XPNPEP1: variants seen among roughly 807,000 people sequenced by gnomAD.
XPNPEP1 encodes the protein xaa-Pro aminopeptidase 1.
XPNPEP1 carries 39 observed loss-of-function variants against 92.4 expected under a neutral mutation model. That is an observed-to-expected ratio of 0.42 (90% CI 0.33 to 0.55). The LOEUF is 0.55. Among genes scored for constraint, XPNPEP1 ranks in the 20% least tolerant of loss-of-function variants. The probability of loss-of-function intolerance (pLI) is 0.08; values close to 1 mark genes in which losing one functional copy is unlikely to be tolerated. For synonymous variants in XPNPEP1, 307 were observed against 299.4 expected (o/e 1.03, Z -0.26); for missense variants, 654 against 856.1 (o/e 0.76, Z 2.95).
At chr10:109,912,126 C>T (rs1482152380) in intron 2 of XPNPEP1, among the ~76,000 whole-genome samples, 1 of 152,156 alleles carries the variant, frequency 6.6e-6, no homozygotes, top group Non-Finnish European at 1.5e-5. Context: ...TGGTGACTGG[C>T]ATATCAGACC....
Position 109,923,435 on chromosome 10 carries a change from C to A in XPNPEP1, c.-2G>T. The A allele has an allele frequency of 6.3e-6, 9 of 1,439,124 alleles. No individual in the cohort carries two copies. The highest frequency in any genetic ancestry group is 7.3e-6 in the Non-Finnish European group (8 of 1,095,528). 89.1% of individuals were successfully genotyped at this position (1,439,124 alleles called of 1,614,324 possible). On this transcript the variant is annotated 5_prime_UTR_variant, in exon 1 of 21. Coordinates refer to ENST00000502935, the MANE Select transcript of XPNPEP1 (RefSeq NM_020383.4). ...CGGTGGCTTTCTGGAGGCTGCCATT[C>A]GGCGGTGACGTGCCCCAGCCCACGT...
chr10:109,885,305 G>C (rs1337966968), intron 8 of XPNPEP1, among the ~76,000 whole-genome samples: 2 of 152,034 alleles, frequency 1.3e-5, no homozygotes, highest in African/African-American at 4.8e-5. Context: ...CTGATACAGT[G>C]AAAAAATCAG....
At chr10:109,911,544 C>T (rs1431755501) in intron 2 of XPNPEP1, among the ~76,000 whole-genome samples, 1 of 152,206 alleles carries the variant, frequency 6.6e-6, no homozygotes, top group East Asian at 1.9e-4. Context: ...ATTGTGATCT[C>T]CCAAGCTTGC....
intron 17 of XPNPEP1, 120 bp downstream of exon 17, chr10:109,871,672 G>T: frequency 8.7e-7 from 1 of 1,144,606 alleles, no homozygotes; most frequent in Non-Finnish European, 1.3e-6. Flanking sequence ...ACCTGGCTGG[G>T]CCTGAAGTGG....
At position 109,868,658 on chromosome 10, in the gene XPNPEP1, T is replaced by C. The variant is rs1459384127; in HGVS notation, c.1828A>G (p.Ile610Val). 6.8e-6 allele frequency: 11 copies of C among 1,614,068 alleles called. No individual in the cohort carries two copies. The highest frequency in any genetic ancestry group is 3.3e-5 in the South Asian group (3 of 91,060). The change falls in exon 20 of 21, where the codon ATT becomes GTT. Residue 610 changes from isoleucine (I) to valine (V), a missense_variant. By Grantham distance (29) the Ile-to-Val change is conservative. Transcript: ENST00000502935. ...LTFEPLTLVPIQTKMIDVDSL... is the reference protein window; with the variant it reads ...LTFEPLTLVPVQTKMIDVDSL... ...TCCACATCTATCATTTTGGTCTGAA[T>C]TGGAACCAATGTTAGAGGTTCAAAG... is the stretch of plus-strand genomic sequence containing the variant.
intron 3 of XPNPEP1, among the ~76,000 whole-genome samples, chr10:109,896,892 T>C (rs551253219): frequency 5.3e-5 from 8 of 152,282 alleles, no homozygotes; most frequent in Admixed American, 2.0e-4. Flanking sequence ...AGAAGTAACA[T>C]AGCCCTGCTG....
At chr10:109,881,563 G>A (rs577124502) in intron 10 of XPNPEP1, among the ~76,000 whole-genome samples, 48 of 152,236 alleles carry the variant, frequency 3.2e-4, no homozygotes, top group Non-Finnish European at 6.0e-4. Flanking sequence ...AGAGAGGAGA[G>A]AGAGAGAGGA....
At chr10:109,901,762 G>A (rs969270189) in intron 3 of XPNPEP1, among the ~76,000 whole-genome samples, 4 of 152,224 alleles carry the variant, frequency 2.6e-5, no homozygotes, top group African/African-American at 7.2e-5. Context: ...ACTTGGGTAC[G>A]TGAGTCCACC....
In XPNPEP1 at chr10:109,865,071, G is replaced by A; in HGVS notation, c.*113C>T. The A allele has an allele frequency of 1.4e-6, 2 of 1,458,706 alleles. No individual in the cohort carries two copies. The highest frequency in any genetic ancestry group is 1.9e-6 in the Non-Finnish European group (2 of 1,068,470). The allele number at this position is 1,458,706 out of a possible 1,614,324, so 90.4% of individuals were successfully genotyped here. A position where few individuals can be genotyped will look rare whatever the true frequency, so the allele number is the denominator to read the frequency against. On this transcript the variant is annotated 3_prime_UTR_variant, in exon 21 of 21. Transcript: ENST00000502935. ...TTTTCTGTTCTTCTTAAAGTCTAAAGTAAAAAGGGGAGGTAGGGAAGAAGG... is the reference window on the plus strand; with the variant it reads ...TTTTCTGTTCTTCTTAAAGTCTAAAATAAAAAGGGGAGGTAGGGAAGAAGG...
At chr10:109,919,962 G>T (rs1396092300) in intron 1 of XPNPEP1, among the ~76,000 whole-genome samples, 2 of 152,112 alleles carry the variant, frequency 1.3e-5, no homozygotes, top group African/African-American at 4.8e-5. Flanking sequence ...AACCCGGGAG[G>T]TGGAGGCTGC....
chr10:109,917,967 G>A (rs1354907435), intron 1 of XPNPEP1, among the ~76,000 whole-genome samples: 1 of 152,090 alleles, frequency 6.6e-6, no homozygotes, highest in Non-Finnish European at 1.5e-5. Flanking sequence ...ACAAAAATTA[G>A]TCAGGCATGG....
chr10:109,912,903 CTT>C (rs1390345937), intron 2 of XPNPEP1, among the ~76,000 whole-genome samples: 2 of 152,192 alleles, frequency 1.3e-5, no homozygotes, highest in African/African-American at 4.8e-5. Flanking sequence ...GATCTATGAT[CTT>C]TTCAGTCTCA....
chr10:109,869,572 G>A (rs186201752), intron 19 of XPNPEP1, among the ~76,000 whole-genome samples: 7 of 152,154 alleles, frequency 4.6e-5, no homozygotes, highest in African/African-American at 1.4e-4. Context: ...GGAAATTAGC[G>A]CCTTGAATAG....
rs75961751 is a variant in XPNPEP1 at position 109,921,533 on chromosome 10, T to C, written c.32+1869A>G. On this transcript the variant is annotated intron_variant, in intron 1 of 20. Transcript: ENST00000502935. ...TCACCCCCCTGCAACCCCCAGTTCATGGGAATCACACATGTGTAGCGTTCA... is the reference window on the plus strand; with the variant it reads ...TCACCCCCCTGCAACCCCCAGTTCACGGGAATCACACATGTGTAGCGTTCA... Among the ~76,000 whole-genome samples the C allele has an allele frequency of 3.8e-4, 58 of 152,282 alleles. No individual in the cohort carries two copies. In the East Asian group the frequency reaches 6.6e-3, roughly 17 times the overall value.
At chr10:109,914,959 G>T in intron 2 of XPNPEP1, 52 bp downstream of exon 2, 1 of 1,264,986 alleles carries the variant, frequency 7.9e-7, no homozygotes, top group Non-Finnish European at 1.1e-6. Context: ...TTGGGGTGGA[G>T]ATCTAAAATC....
Position 109,880,245 on chromosome 10 carries a change from A to C in XPNPEP1, c.1132-7T>G. 1 of 1,613,796 alleles carries C rather than the reference A, an allele frequency of 6.2e-7. No individual in the cohort carries two copies. Among genetic ancestry groups the C allele is most frequent in the Non-Finnish European group, 8.5e-7 (1 of 1,180,024 alleles). ...GAGCAACAGCATCTTTAATCTGTGC[A>C]AACAATGGAGACATTTTTTAAGTTA... On this transcript the variant is annotated splice_region_variant and splice_polypyrimidine_tract_variant and intron_variant, in intron 11 of 20. Transcript: ENST00000502935.
At chr10:109,879,519 G>A (rs1057410071) in intron 12 of XPNPEP1, among the ~76,000 whole-genome samples, 1 of 151,630 alleles carries the variant, frequency 6.6e-6, no homozygotes, top group South Asian at 2.1e-4. Context: ...GCAGTGAGCC[G>A]AGATCACACC....
chr10:109,881,829 C>G (rs1168447733), intron 10 of XPNPEP1, among the ~76,000 whole-genome samples: 1 of 152,210 alleles, frequency 6.6e-6, no homozygotes, highest in Non-Finnish European at 1.5e-5. Context: ...TTAGCACTGC[C>G]CAGCAAGGGC....
At chr10:109,923,311 C>T (rs1850663030) in intron 1 of XPNPEP1, 91 bp downstream of exon 1, 1 of 1,287,904 alleles carries the variant, frequency 7.8e-7, no homozygotes, top group Non-Finnish European at 9.8e-7. Context: ...TCCTCACCCG[C>T]GCGTCCCTGC....
Sources: allele counts gnomAD v4.1 joint callset (sites outside exome capture counted in the v4.1 genomes callset), GRCh38; gene constraint gnomAD v4.1.1; transcripts MANE v1.5; gene names NCBI Gene and HGNC (gene_info 2026-07-23, HGNC 2026-07-21).